Variants in PHACTR2 observed in about 807,000 individuals in gnomAD.
PHACTR2 encodes phosphatase and actin regulator 2, also known as chromosome 6 open reading frame 56.
Under a neutral mutation model 76.0 loss-of-function variants are expected in PHACTR2, and 30 were observed. That is an observed-to-expected ratio of 0.39 (90% CI 0.30 to 0.54). PHACTR2 has a LOEUF of 0.54. Among genes scored for constraint, PHACTR2 ranks in the 20% least tolerant of loss-of-function variants. The pLI is 0.61. For missense variants in PHACTR2, 696 were observed against 781.1 expected, an observed-to-expected ratio of 0.89 and a Z score of 1.30; for synonymous variants, 292 against 292.5, an observed-to-expected ratio of 1.00 and a Z score of 0.02.
At position 143,561,889 on chromosome 6, in the gene PHACTR2, A is replaced by C. The variant is rs1426153958; in HGVS notation, c.217+24682A>C. 1 of 152,190 alleles carries C rather than the reference A, an allele frequency of 6.6e-6. No individual in the cohort carries two copies. The highest frequency in any genetic ancestry group is 1.5e-5 in the Non-Finnish European group (1 of 68,038). The allele number at this position is 152,190 out of a possible 1,614,324, so 9.4% of individuals were successfully genotyped here. On this transcript the variant is annotated intron_variant, in intron 1 of 11. Transcript: ENST00000367584. This position sits in a 1 kb window ranked among gnomAD's most constrained non-coding sequence, Gnocchi z 4.1. ...CAGGTTGCCTTTGATATTAACCTCC[A>C]TGAAGACTATCACTGATTGAATGAT... is the stretch of plus-strand genomic sequence containing the variant.
In PHACTR2 at chr6:143,596,832, CA is replaced by C. The variant is rs1775760971; in HGVS notation, c.217+59626del. Reference sequence around the variant, plus strand: ...CAGCTTGAGTGACAGAGTGAGACCTCATCTCAAAAAAAATAAAAATAAAAAT... The same window carrying C: ...CAGCTTGAGTGACAGAGTGAGACCTCTCTCAAAAAAAATAAAAATAAAAAT... On this transcript the variant is annotated intron_variant, in intron 1 of 11. Transcript: ENST00000367584. The surrounding 1 kb of genome is among the most constrained non-coding windows in gnomAD (Gnocchi z 4.6). Among the ~76,000 whole-genome samples the C allele has an allele frequency of 1.3e-5, 2 of 151,870 alleles. No homozygotes were observed. The highest frequency in any genetic ancestry group is 4.8e-5 in the African/African-American group (2 of 41,320).
At position 143,818,329 on chromosome 6, in the gene PHACTR2, A is replaced by G. The variant is rs916368122; in HGVS notation, c.1923-5345A>G. On this transcript the variant is annotated intron_variant, in intron 12 of 12. Transcript: ENST00000440869. This position sits in a 1 kb window ranked among gnomAD's most constrained non-coding sequence, Gnocchi z 4.9. ...AGACAGTCTGGAGCATAGCGCGTCC[A>G]CTTACCAGCTGTCTCTCTCTGCCTT... is the stretch of plus-strand genomic sequence containing the variant. 6.6e-6 allele frequency among the ~76,000 whole-genome samples: 1 copy of G among 152,150 alleles called. No homozygotes were observed. Among genetic ancestry groups the G allele is most frequent in the Admixed American group, 6.5e-5 (1 of 15,278 alleles).
At chr6:143,690,165 C>T (rs1006291989) in intron 1 of PHACTR2, among the ~76,000 whole-genome samples, 2 of 152,242 alleles carry the variant, frequency 1.3e-5, no homozygotes, top group Non-Finnish European at 2.9e-5. Context: ...TACATACCAT[C>T]CCCACACTTT....
intron 1 of PHACTR2, among the ~76,000 whole-genome samples, chr6:143,669,511 C>G (rs1342449761): frequency 1.3e-5 from 2 of 152,156 alleles, no homozygotes; most frequent in Non-Finnish European, 2.9e-5. Context: ...GAGTCTAAGT[C>G]TCTTTGTAGG....
Position 143,688,895 on chromosome 6 carries a change from C to T in PHACTR2, c.46+10686C>T, listed in dbSNP as rs1373587388. 2.0e-5 allele frequency among the ~76,000 whole-genome samples: 3 copies of T among 152,334 alleles called. No homozygotes were observed. The East Asian group carries it at 5.8e-4, about 29-fold the overall frequency. On this transcript the variant is annotated intron_variant, in intron 1 of 12. Transcript: ENST00000440869. The surrounding 1 kb of genome is among the most constrained non-coding windows in gnomAD (Gnocchi z 5.2). ...CTCACTCACTCAAAACCTTCCTGTC[C>T]TCCCACTGCACTTGGAATGAAATCC...
At chr6:143,620,169 A>G (rs1776127812) in intron 1 of PHACTR2, among the ~76,000 whole-genome samples, 1 of 152,252 alleles carries the variant, frequency 6.6e-6, no homozygotes, top group African/African-American at 2.4e-5. Context: ...TCTGTAGCAT[A>G]CATTTAGAAT....
In PHACTR2 at chr6:143,708,609, A is replaced by G. The variant is rs1778103538; in HGVS notation, c.47-3407A>G. 1.3e-5 allele frequency among the ~76,000 whole-genome samples: 2 copies of G among 152,230 alleles called. No homozygotes were observed. On this transcript the variant is annotated intron_variant, in intron 1 of 12. Coordinates refer to ENST00000440869, the MANE Select transcript of PHACTR2 (RefSeq NM_001100164.2). The surrounding 1 kb of genome is among the most constrained non-coding windows in gnomAD (Gnocchi z 5.5). ...TTTAATGGAAAACTGATCCACAAGA[A>G]AAATTATAGAAATATCAATAGCAAT...
upstream of PHACTR2, among the ~76,000 whole-genome samples, chr6:143,604,096 C>CA (rs5880568): frequency 0.045 from 4,911 of 110,244 alleles, 236 homozygotes; most frequent in African/African-American, 0.13. Context: ...GACTCTGATT[C>CA]AAAAAAAAAA....
chr6:143,781,316 C>A (rs901627476), intron 9 of PHACTR2, among the ~76,000 whole-genome samples: 5 of 152,180 alleles, frequency 3.3e-5, no homozygotes, highest in Non-Finnish European at 5.9e-5. Context: ...GTAGCACTAG[C>A]TGAACAATAT....
Position 143,809,383 on chromosome 6 carries a change from GTTTT to G in PHACTR2, c.1922+2254_1922+2257del, listed in dbSNP as rs1006252490. Among the ~76,000 whole-genome samples the G allele has an allele frequency of 6.6e-6, 1 of 151,810 alleles. No individual in the cohort carries two copies. Among genetic ancestry groups the G allele is most frequent in the Non-Finnish European group, 1.5e-5 (1 of 67,938 alleles). On this transcript the variant is annotated intron_variant, in intron 12 of 12. Coordinates refer to ENST00000440869, the MANE Select transcript of PHACTR2 (RefSeq NM_001100164.2). The surrounding 1 kb of genome is among the most constrained non-coding windows in gnomAD (Gnocchi z 4.2). ...TGTTTTTTTGTTTGTTTGTTTGTTTGTTTTTTTAGTAGAGATGAGGTCTTGCTAT... is the reference window on the plus strand; with the variant it reads ...TGTTTTTTTGTTTGTTTGTTTGTTTGTTTAGTAGAGATGAGGTCTTGCTAT...
In PHACTR2 at chr6:143,823,714, A is replaced by G; in HGVS notation, c.*25A>G. 1 of 1,594,176 alleles carries G rather than the reference A, an allele frequency of 6.3e-7. No individual in the cohort carries two copies. The highest frequency in any genetic ancestry group is 1.1e-5 in the South Asian group (1 of 90,662). ...ACGAAGAGTGAGACTATTTGGAAAC[A>G]GAGACTGATCATCTTTGGGGGAAGC... On this transcript the variant is annotated 3_prime_UTR_variant, in exon 13 of 13. Transcript: ENST00000440869. This position sits in a 1 kb window ranked among gnomAD's most constrained non-coding sequence, Gnocchi z 5.7.
chr6:143,783,113 T>C lies in PHACTR2; in HGVS notation c.1646-106T>C. 1.5e-6 allele frequency: 1 copy of C among 663,850 alleles called. No homozygotes were observed. The highest frequency in any genetic ancestry group is 2.7e-6 in the Non-Finnish European group (1 of 371,140). The allele number at this position is 663,850 out of a possible 1,614,324, so 41.1% of individuals were successfully genotyped here. A position where few individuals can be genotyped will look rare whatever the true frequency, so the allele number is the denominator to read the frequency against. On this transcript the variant is annotated intron_variant, in intron 9 of 12. Coordinates refer to ENST00000440869, the MANE Select transcript of PHACTR2 (RefSeq NM_001100164.2). This position sits in a 1 kb window ranked among gnomAD's most constrained non-coding sequence, Gnocchi z 5.2. The stretch of plus-strand genomic sequence containing the variant: ...CTTTTTAACAATGTTGGTTGTGTGT[T>C]TGATCATTATTTGTTAGAGTCACAT...
rs1185421005 is a variant in PHACTR2 at position 143,739,049 on chromosome 6, C to T, written c.215-9936C>T. 2.0e-5 allele frequency among the ~76,000 whole-genome samples: 3 copies of T among 152,058 alleles called. No individual in the cohort carries two copies. The highest frequency in any genetic ancestry group is 7.2e-5 in the African/African-American group (3 of 41,420). ...TTCATTACCATTTACAGCTGAGATT[C>T]ACTTTATTTATTTATTATTTATTTA... On this transcript the variant is annotated intron_variant, in intron 2 of 12. Transcript: ENST00000440869. The surrounding 1 kb of genome is among the most constrained non-coding windows in gnomAD (Gnocchi z 4.3).
In PHACTR2 at chr6:143,782,531, G is replaced by C. The variant is rs995990567; in HGVS notation, c.1646-688G>C. On this transcript the variant is annotated intron_variant, in intron 9 of 12. Coordinates refer to ENST00000440869, the MANE Select transcript of PHACTR2 (RefSeq NM_001100164.2). The surrounding 1 kb of genome is among the most constrained non-coding windows in gnomAD (Gnocchi z 4.6). ...ATTTTTCTTTAAATCCCATCTGTTG[G>C]GCAGCATAAAATCGTACTACTTGGT... 3.9e-5 allele frequency among the ~76,000 whole-genome samples: 6 copies of C among 152,048 alleles called. No individual in the cohort carries two copies. Among genetic ancestry groups the C allele is most frequent in the African/African-American group, 1.5e-4 (6 of 41,358 alleles).
In PHACTR2 at chr6:143,739,182, A is replaced by G. The variant is rs1778886168; in HGVS notation, c.215-9803A>G. On this transcript the variant is annotated intron_variant, in intron 2 of 12. Transcript: ENST00000440869. The surrounding 1 kb of genome is among the most constrained non-coding windows in gnomAD (Gnocchi z 4.3). ...CGGGTTCACTCCGTTCTCCTGCCTC[A>G]GCCTCCCAAGTAGCTGGGACTATAG... 6.6e-6 allele frequency among the ~76,000 whole-genome samples: 1 copy of G among 152,190 alleles called. No homozygotes were observed. The highest frequency in any genetic ancestry group is 1.5e-5 in the Non-Finnish European group (1 of 68,040).
In PHACTR2 at chr6:143,789,018, T is replaced by C; in HGVS notation, c.1845+108T>C. The C allele has an allele frequency of 4.3e-6, 4 of 920,482 alleles. No homozygotes were observed. In the South Asian group the frequency reaches 7.1e-5, roughly 16 times the overall value. The allele number at this position is 920,482 out of a possible 1,614,324, so 57.0% of individuals were successfully genotyped here. ...CCAGGGGACGAGATCTTACCAAATA[T>C]TACAACAGTTTTCTGCCTCTGATTA... is the stretch of plus-strand genomic sequence containing the variant. On this transcript the variant is annotated intron_variant, in intron 11 of 12. Transcript: ENST00000440869. The surrounding 1 kb of genome is among the most constrained non-coding windows in gnomAD (Gnocchi z 5.1).
At position 143,599,568 on chromosome 6, in the gene PHACTR2, T is replaced by G. The variant is rs1255895476; in HGVS notation, c.217+62361T>G. 6.6e-6 allele frequency among the ~76,000 whole-genome samples: 1 copy of G among 152,184 alleles called. No homozygotes were observed. Among genetic ancestry groups the G allele is most frequent in the Non-Finnish European group, 1.5e-5 (1 of 68,028 alleles). On this transcript the variant is annotated intron_variant, in intron 1 of 11. Coordinates refer to the PHACTR2 transcript ENST00000367584. This position sits in a 1 kb window ranked among gnomAD's most constrained non-coding sequence, Gnocchi z 4.6. Reference sequence around the variant, plus strand: ...GTAACCCAACTTAACAAATGTCGTATTACTAAAGAAATGCTTATTAATTTA... The same window carrying G: ...GTAACCCAACTTAACAAATGTCGTAGTACTAAAGAAATGCTTATTAATTTA...
chr6:143,573,914 C>T (rs573976246), intron 1 of PHACTR2, among the ~76,000 whole-genome samples: 23 of 152,242 alleles, frequency 1.5e-4, no homozygotes, highest in African/African-American at 4.1e-4. Flanking sequence ...TACCTGTTTT[C>T]GCTTTCTATT....
rs1775270175 is a variant in PHACTR2, at chr6:143,561,267, A to G, written c.217+24060A>G. The G allele has an allele frequency of 6.6e-6, 1 of 152,204 alleles. No individual in the cohort carries two copies. The highest frequency in any genetic ancestry group is 6.5e-5 in the Admixed American group (1 of 15,276). The allele number at this position is 152,204 out of a possible 1,614,324, so 9.4% of individuals were successfully genotyped here. A position where few individuals can be genotyped will look rare whatever the true frequency, so the allele number is the denominator to read the frequency against. ...CTCACCCTGTGATGACAGTCTTAGC[A>G]CTCAAGATGTGGTGACCTGTCGGGA... On this transcript the variant is annotated intron_variant, in intron 1 of 11. Coordinates refer to the PHACTR2 transcript ENST00000367584. This position sits in a 1 kb window ranked among gnomAD's most constrained non-coding sequence, Gnocchi z 4.1.
Sources: gnomAD v4.1 joint callset for allele counts (sites outside exome capture counted in the v4.1 genomes callset) on GRCh38, gnomAD v4.1.1 for gene constraint, Gnocchi (gnomAD v3.1) non-coding constraint, MANE v1.5 for transcripts, NCBI Gene and HGNC (gene_info 2026-07-23, HGNC 2026-07-21) for gene names.